The following PIEZO1 variants were observed in gnomAD, a reference collection of about 807,000 sequenced individuals.
PIEZO1 encodes the protein piezo-type mechanosensitive ion channel component 1.
In PIEZO1, 296 loss-of-function variants were observed where a neutral mutation model predicts 297.2. The ratio of observed to expected loss-of-function variants is 1.00; its 90% CI spans 0.91 to 1.10. The LOEUF (loss-of-function observed/expected upper bound fraction) is 1.10. PIEZO1 is among the 50% of genes least tolerant of loss of function. PIEZO1 has a pLI of 0.00. For synonymous variants in PIEZO1, 2,427 were observed against 1,507.5 expected (o/e 1.61, Z -14.13); for missense variants, 5,018 against 3,455.5 (o/e 1.45, Z -11.34).
At chr16:88,719,339 C>G in intron 44 of PIEZO1, 2 of 538,944 alleles carry the variant, frequency 3.7e-6, no homozygotes, top group Non-Finnish European at 3.3e-6. Context: ...CTGCTGCCAG[C>G]CTGCCTGGAA....
Position 88,726,426 on chromosome 16 carries a change from A to C in PIEZO1, c.3826T>G (p.Cys1276Gly), listed in dbSNP as rs962490141. 6.4e-7 allele frequency: 1 copy of C among 1,550,498 alleles called. No individual in the cohort carries two copies. The highest frequency in any genetic ancestry group is 8.7e-7 in the Non-Finnish European group (1 of 1,146,924). ...CCAGCCTCCTCCACAGGCAGCAGGCAGTCCTGGTCTCTGTCCATCATCTCC... is the reference window on the plus strand; with the variant it reads ...CCAGCCTCCTCCACAGGCAGCAGGCCGTCCTGGTCTCTGTCCATCATCTCC... Reference protein sequence around the residue: ...PKEMMDRDQDCLLPVEEAGII... With the variant: ...PKEMMDRDQDGLLPVEEAGII... The change falls in exon 27 of 51, where the codon TGC becomes GGC. Residue 1276 changes from cysteine to glycine, a missense_variant. Coordinates refer to ENST00000301015, the MANE Select transcript of PIEZO1 (RefSeq NM_001142864.4).
In PIEZO1 at chr16:88,727,577, G is replaced by C; in HGVS notation, c.3281C>G (p.Pro1094Arg). Residue 1094 changes from proline to arginine, a missense_variant, in exon 23 of 51, where the codon CCC becomes CGC. By Grantham distance (103) the Pro-to-Arg change is moderately radical (BLOSUM62 -2). Transcript: ENST00000301015. ...WLYLPDFFRA[P>R]NSTNLISDFL... Reference sequence around the variant, plus strand: ...CTCACTGATGAGGTTGGTGGAGTTGGGGGCCCGGAAGAAATCAGGCAGGTA... The same window carrying C: ...CTCACTGATGAGGTTGGTGGAGTTGCGGGCCCGGAAGAAATCAGGCAGGTA... 1 of 1,522,716 alleles carries C rather than the reference G, an allele frequency of 6.6e-7. No homozygotes were observed. Among genetic ancestry groups the C allele is most frequent in the Non-Finnish European group, 8.9e-7 (1 of 1,127,186 alleles). The allele number at this position is 1,522,716 out of a possible 1,614,324, so 94.3% of individuals were successfully genotyped here.
intron 1 of PIEZO1, among the ~76,000 whole-genome samples, chr16:88,770,582 T>C (rs1342282718): frequency 6.6e-6 from 1 of 152,206 alleles, no homozygotes; most frequent in Non-Finnish European, 1.5e-5. Context: ...GGGCGGTGCC[T>C]GCCTGGGCCG....
intron 1 of PIEZO1, among the ~76,000 whole-genome samples, chr16:88,779,548 A>C (rs751095204): frequency 3.9e-5 from 6 of 152,212 alleles, no homozygotes; most frequent in Non-Finnish European, 7.3e-5. Context: ...CCTGAACCAG[A>C]ACTTGGACTT....
intron 10 of PIEZO1, chr16:88,737,093 G>A (rs941143751): frequency 8.3e-6 from 2 of 240,862 alleles, no homozygotes; most frequent in African/African-American, 4.6e-5. Context: ...AAAATCAAGG[G>A]TTAGGGTAAA....
intron 30 of PIEZO1, 73 bp from the exon 31 acceptor site, chr16:88,724,044 G>T: frequency 1.1e-6 from 1 of 925,070 alleles, no homozygotes. Context: ...CCGCCTGCAT[G>T]GGCCAAGGCC....
At chr16:88,744,858 G>A (rs779224323) in intron 2 of PIEZO1, among the ~76,000 whole-genome samples, 2 of 151,888 alleles carry the variant, frequency 1.3e-5, no homozygotes, top group Admixed American at 6.6e-5. Context: ...GGGGCACCCC[G>A]GGAAGAGACG....
At chr16:88,733,032 C>T in intron 19 of PIEZO1, 1 of 584,076 alleles carries the variant, frequency 1.7e-6, no homozygotes, top group East Asian at 2.8e-5. Context: ...GCCCTCCCGT[C>T]CTCACTGCCG....
In PIEZO1 at chr16:88,726,458, G is replaced by A. The variant is rs1477022723; in HGVS notation, c.3797-3C>T. On this transcript the variant is annotated splice_polypyrimidine_tract_variant and splice_region_variant and intron_variant, in intron 26 of 50. Transcript: ENST00000301015. ...GTCTCTGTCCATCATCTCCTTGGCT[G>A]CAAGGCAGGCACCGGCAAGGGTCAG... 56 of 1,549,174 alleles carry A rather than the reference G, an allele frequency of 3.6e-5. 1 individual carries two copies. The East Asian group carries it at 1.3e-3, about 37-fold the overall frequency.
chr16:88,721,280 C>A lies in PIEZO1; in HGVS notation c.5554G>T (p.Asp1852Tyr). The A allele has an allele frequency of 1.3e-6, 2 of 1,544,606 alleles. No individual in the cohort carries two copies. The highest frequency in any genetic ancestry group is 1.7e-6 in the Non-Finnish European group (2 of 1,146,626). The part of the protein sequence containing the change: ...IQVEARVGPT[D>Y]GTPEPQVELR... ...TCCACTTGGGGTTCTGGGGTCCCGT[C>A]CGTGGGTCCGACCCTGGCTTCCACC... Residue 1852 changes from aspartate (D) to tyrosine (Y), a missense_variant, in exon 39 of 51, where the codon GAC becomes TAC. Coordinates refer to ENST00000301015, the MANE Select transcript of PIEZO1 (RefSeq NM_001142864.4).
In PIEZO1 at chr16:88,735,145, C is replaced by G; in HGVS notation, c.1659G>C (p.Val553=). 1.3e-6 allele frequency: 2 copies of G among 1,549,994 alleles called. No individual in the cohort carries two copies. Among genetic ancestry groups the G allele is most frequent in the Non-Finnish European group, 1.7e-6 (2 of 1,146,602 alleles). The change falls in exon 13 of 51, where the codon GTG becomes GTC. Residue 553 remains valine (V), a synonymous_variant. Transcript: ENST00000301015. ...ESPAALTEVT[V]ADTEPTRTQT... ...TGGCCCACCACTCACCTGTGTCTGC[C>G]ACGGTGACCTCCGTCAGCGCAGCTG...
chr16:88,723,273 TGCTGCC>T lies in PIEZO1; in HGVS notation c.4385_4390del (p.Arg1462_Gln1463del), dbSNP rs1211431630. 7 of 1,543,066 alleles carry T rather than the reference TGCTGCC, an allele frequency of 4.5e-6. No homozygotes were observed. Among genetic ancestry groups the T allele is most frequent in the African/African-American group, 1.4e-5 (1 of 73,036 alleles). ...TTCCTGCCTTGCCTGCTCCTGCTCC[TGCTGCC>T]GCCGCCTCAGCACCGCCTGGGCGTT... is the stretch of plus-strand genomic sequence containing the variant. On this transcript the variant is annotated inframe_deletion, in exon 32 of 51. Coordinates refer to ENST00000301015, the MANE Select transcript of PIEZO1 (RefSeq NM_001142864.4).
At chr16:88,764,992 C>T (rs1291501159) in intron 1 of PIEZO1, among the ~76,000 whole-genome samples, 2 of 152,202 alleles carry the variant, frequency 1.3e-5, no homozygotes, top group Non-Finnish European at 2.9e-5. Flanking sequence ...GCCTTCTCAA[C>T]ACAGCTACCT....
chr16:88,736,990 C>T (rs1258651420), intron 10 of PIEZO1: 4 of 403,008 alleles, frequency 9.9e-6, no homozygotes, highest in Non-Finnish European at 1.8e-5. Context: ...GGCCCTGACC[C>T]CCTTTCCAGC....
In PIEZO1 at chr16:88,720,201, T is replaced by G. The variant is rs1912330870; in HGVS notation, c.6032A>C (p.Gln2011Pro). 6.4e-7 allele frequency: 1 copy of G among 1,550,396 alleles called. No homozygotes were observed. Among genetic ancestry groups the G allele is most frequent in the South Asian group, 1.2e-5 (1 of 84,060 alleles). ...PEAFLVMLLI[Q>P]FSTMVVDRAL... ...GCGGTCAACCACCATGGTACTGAAC[T>G]GGATCAGCAGCATGACCAGGAAAGC... The change falls in exon 42 of 51, where the codon CAG becomes CCG. Residue 2011 changes from glutamine to proline, a missense_variant. Transcript: ENST00000301015.
At chr16:88,758,347 T>C (rs547919114) in intron 1 of PIEZO1, among the ~76,000 whole-genome samples, 2 of 152,116 alleles carry the variant, frequency 1.3e-5, no homozygotes, top group Admixed American at 6.5e-5. Context: ...TCGTGCTGCA[T>C]CCCAGCCTTG....
At chr16:88,784,338 G>C (rs1908074801) in intron 1 of PIEZO1, among the ~76,000 whole-genome samples, 1 of 152,244 alleles carries the variant, frequency 6.6e-6, no homozygotes, top group South Asian at 2.1e-4. Flanking sequence ...GTGTGGGACC[G>C]CCTCAGTCCG....
chr16:88,732,760 C>A lies in PIEZO1; in HGVS notation c.2665-28G>T, dbSNP rs974702088. The A allele has an allele frequency of 1.1e-5, 17 of 1,519,628 alleles. No individual in the cohort carries two copies. In the African/African-American group the frequency reaches 2.2e-4, roughly 20 times the overall value. The allele number at this position is 1,519,628 out of a possible 1,614,324, so 94.1% of individuals were successfully genotyped here. On this transcript the variant is annotated intron_variant, in intron 19 of 50. Transcript: ENST00000301015. ...GGCAAGAGGCCAGGCATCAGTGCCC[C>A]CTCCCAGGCCACAGTGCCCCCTGGC... is the stretch of plus-strand genomic sequence containing the variant.
At chr16:88,757,324 G>C (rs1158022153) in intron 1 of PIEZO1, among the ~76,000 whole-genome samples, 5 of 98,494 alleles carry the variant, frequency 5.1e-5, no homozygotes, top group South Asian at 3.8e-4. Flanking sequence ...GCTGGCGGGG[G>C]GGTGGGGGGT....
Sources: gnomAD v4.1 joint callset for allele counts (sites outside exome capture counted in the v4.1 genomes callset) on GRCh38, gnomAD v4.1.1 for gene constraint, MANE v1.5 for transcripts, NCBI Gene and HGNC (gene_info 2026-07-23, HGNC 2026-07-21) for gene names.